The following GHR variants were observed in gnomAD, a reference collection of about 807,000 sequenced individuals.
The protein encoded by GHR is GH receptor.
Under a neutral mutation model 67.1 loss-of-function variants are expected in GHR, and 35 were observed. The ratio of observed to expected loss-of-function variants is 0.52; its 90% CI spans 0.40 to 0.69. The LOEUF (loss-of-function observed/expected upper bound fraction) is 0.69. GHR is among the 30% of genes least tolerant of loss of function. The pLI is 0.00. For synonymous variants in GHR, 272 were observed against 269.1 expected (o/e 1.01, Z -0.10); for missense variants, 792 against 764.6 (o/e 1.04, Z -0.42).
At chr5:42,711,919 G>A (rs949516728) in intron 7 of GHR, among the ~76,000 whole-genome samples, 6 of 152,076 alleles carry the variant, frequency 3.9e-5, no homozygotes, top group South Asian at 2.1e-4. Context: ...ATACTTAAAG[G>A]AGACGTGGAA....
chr5:42,719,194 G>C lies in GHR; in HGVS notation c.1687G>C (p.Glu563Gln), dbSNP rs779319281. 6.2e-7 allele frequency: 1 copy of C among 1,614,092 alleles called. No homozygotes were observed. Among genetic ancestry groups the C allele is most frequent in the Admixed American group, 1.7e-5 (1 of 60,010 alleles). The change falls in exon 10 of 10, where the codon GAG (glutamate) becomes CAG (glutamine). Residue 563 changes from glutamate (E) to glutamine (Q), a missense_variant. By Grantham distance (29) the Glu-to-Gln change is conservative. Coordinates refer to ENST00000230882, the MANE Select transcript of GHR (RefSeq NM_000163.5). ...ACACATACAGCCAAGCTTAAACCAA[G>C]AGGACATTTACATCACCACAGAAAG... The part of the protein sequence containing the change: ...ESHIQPSLNQ[E>Q]DIYITTESLT...
chr5:42,570,534 A>G (rs1158426761), intron 2 of GHR, among the ~76,000 whole-genome samples: 2 of 152,174 alleles, frequency 1.3e-5, no homozygotes, highest in Non-Finnish European at 2.9e-5. Flanking sequence ...TATTCATTCA[A>G]TTTTGCATGC....
rs931213610 is a variant in GHR at position 42,425,092 on chromosome 5, G to A, written c.-12+1137G>A. The A allele has an allele frequency of 5.1e-6, 4 of 784,032 alleles. No homozygotes were observed. In the African/African-American group the frequency reaches 5.6e-5, roughly 11 times the overall value. 48.6% of individuals were successfully genotyped at this position (784,032 alleles called of 1,614,324 possible). ...CAGAGTAGTTTCTGCATAGGATTAAGTATTAAGGGCTTTAAAATAACTAAA... is the reference window on the plus strand; with the variant it reads ...CAGAGTAGTTTCTGCATAGGATTAAATATTAAGGGCTTTAAAATAACTAAA... On this transcript the variant is annotated intron_variant, in intron 1 of 9. Coordinates refer to ENST00000230882, the MANE Select transcript of GHR (RefSeq NM_000163.5).
At chr5:42,441,752 G>A (rs543846336) in intron 1 of GHR, among the ~76,000 whole-genome samples, 26 of 152,082 alleles carry the variant, frequency 1.7e-4, no homozygotes, top group Non-Finnish European at 2.8e-4. Context: ...CTCATGATTC[G>A]CCTGCCTTGG....
chr5:42,448,167 C>A (rs1282352008), intron 1 of GHR, among the ~76,000 whole-genome samples: 1 of 152,124 alleles, frequency 6.6e-6, no homozygotes, highest in African/African-American at 2.4e-5. Context: ...AAGGAATCTC[C>A]CTACTGTTTT....
At chr5:42,608,886 C>T (rs533816732) in intron 2 of GHR, among the ~76,000 whole-genome samples, 1 of 152,112 alleles carries the variant, frequency 6.6e-6, no homozygotes, top group South Asian at 2.1e-4. Context: ...AAGCTACATG[C>T]CTAGAAACTC....
At chr5:42,557,524 C>A (rs1277959688) in intron 1 of GHR, among the ~76,000 whole-genome samples, 1 of 152,070 alleles carries the variant, frequency 6.6e-6, no homozygotes, top group Non-Finnish European at 1.5e-5. Context: ...ATGCCAAATG[C>A]TTTAAATAAA....
At chr5:42,708,774 T>C (rs903134925) in intron 6 of GHR, among the ~76,000 whole-genome samples, 1 of 152,206 alleles carries the variant, frequency 6.6e-6, no homozygotes, top group African/African-American at 2.4e-5. Flanking sequence ...CAGGTACTTG[T>C]GAGCATGTAA....
intron 1 of GHR, among the ~76,000 whole-genome samples, chr5:42,427,785 A>G (rs1742916910): frequency 6.6e-6 from 1 of 152,238 alleles, no homozygotes; most frequent in Admixed American, 6.5e-5. Context: ...TTGTGTAAAT[A>G]TGCCCATTCC....
At chr5:42,462,111 T>C (rs1250024187) in intron 1 of GHR, among the ~76,000 whole-genome samples, 1 of 152,238 alleles carries the variant, frequency 6.6e-6, no homozygotes, top group Non-Finnish European at 1.5e-5. Context: ...AAAATGAGTA[T>C]TAAATCTAAT....
chr5:42,613,373 C>T (rs115943826), intron 2 of GHR, among the ~76,000 whole-genome samples: 2,045 of 152,188 alleles, frequency 0.013, 37 homozygotes, highest in African/African-American at 0.047. Flanking sequence ...AACCACTGGG[C>T]TTTGTCTTAT....
intron 1 of GHR, chr5:42,468,141 C>A: frequency 7.8e-7 from 1 of 1,281,980 alleles, no homozygotes. Flanking sequence ...CCTTTTCTTC[C>A]TCTTCTGATC....
intron 2 of GHR, among the ~76,000 whole-genome samples, chr5:42,582,796 G>A (rs1163769895): frequency 4.6e-5 from 7 of 152,324 alleles, no homozygotes; most frequent in East Asian, 1.9e-4. Flanking sequence ...AGTTGCCCAC[G>A]GTGGAAGCCA....
intron 1 of GHR, among the ~76,000 whole-genome samples, chr5:42,444,385 C>T (rs1378499638): frequency 6.6e-6 from 1 of 152,170 alleles, no homozygotes; most frequent in Non-Finnish European, 1.5e-5. Flanking sequence ...AATAAATTTC[C>T]ATTTGATGGC....
At chr5:42,640,658 T>C (rs1405035247) in intron 3 of GHR, among the ~76,000 whole-genome samples, 1 of 151,590 alleles carries the variant, frequency 6.6e-6, no homozygotes, top group Non-Finnish European at 1.5e-5. Context: ...ATGTTTCAAA[T>C]CCCAGAGAAG....
chr5:42,599,357 ATT>A (rs36037535), intron 2 of GHR, among the ~76,000 whole-genome samples: 1,498 of 103,826 alleles, frequency 0.014, 15 homozygotes, highest in African/African-American at 0.057. Flanking sequence ...CCTACAGCAC[ATT>A]TTTTTTTTTT....
chr5:42,489,592 AT>A (rs1206779713), intron 1 of GHR, among the ~76,000 whole-genome samples: 1 of 152,184 alleles, frequency 6.6e-6, no homozygotes, highest in African/African-American at 2.4e-5. Context: ...CTACAAAAGA[AT>A]TTTTAAGTTA....
chr5:42,680,387 C>A (rs1212686785), intron 3 of GHR, among the ~76,000 whole-genome samples: 1 of 152,178 alleles, frequency 6.6e-6, no homozygotes, highest in Non-Finnish European at 1.5e-5. Context: ...GATTGCTTAG[C>A]AGAACCCATA....
intron 1 of GHR, among the ~76,000 whole-genome samples, chr5:42,508,534 G>C (rs1259267856): frequency 6.6e-6 from 1 of 152,108 alleles, no homozygotes; most frequent in Non-Finnish European, 1.5e-5. Flanking sequence ...AGCATAAATG[G>C]ATATTACACA....
Sources: allele counts gnomAD v4.1 joint callset (sites outside exome capture counted in the v4.1 genomes callset), GRCh38; gene constraint gnomAD v4.1.1; transcripts MANE v1.5; gene names NCBI Gene and HGNC (gene_info 2026-07-23, HGNC 2026-07-21).